PLXDC2: variants seen among roughly 807,000 people sequenced by gnomAD.
The protein encoded by PLXDC2 is plexin domain-containing protein 2.
Under a neutral mutation model 68.9 loss-of-function variants are expected in PLXDC2, and 40 were observed. The ratio of observed to expected loss-of-function variants is 0.58; its 90% CI spans 0.45 to 0.76. The LOEUF (loss-of-function observed/expected upper bound fraction) is 0.76, where lower values mean the gene tolerates loss of function less well. PLXDC2 is among the 30% of genes least tolerant of loss of function. The pLI is 0.00. For missense variants in PLXDC2, 644 were observed against 661.9 expected, an observed-to-expected ratio of 0.97 and a Z score of 0.30; for synonymous variants, 243 against 234.2, an observed-to-expected ratio of 1.04 and a Z score of -0.34.
Position 19,965,718 on chromosome 10 carries a change from T to TTGG in PLXDC2, c.113-36057_113-36056insTGG, listed in dbSNP as rs758553628. Among the ~76,000 whole-genome samples, 165 of 135,478 alleles carry TTGG rather than the reference T, an allele frequency of 1.2e-3. 1 individual carries two copies. The highest frequency in any genetic ancestry group is 3.3e-3 in the African/African-American group (122 of 37,220). 88.9% of individuals were successfully genotyped at this position (135,478 alleles called of 152,430 possible). On this transcript the variant is annotated intron_variant, in intron 1 of 13. Transcript: ENST00000377252. ...GATTTCTCTGGAAAACAGTTTTTTT[T>TTGG]GGGGGGGGGGGTTACATAATTCAAT...
At chr10:20,015,126 A>G (rs901396399) in intron 2 of PLXDC2, among the ~76,000 whole-genome samples, 5 of 152,220 alleles carry the variant, frequency 3.3e-5, no homozygotes, top group African/African-American at 4.8e-5. Flanking sequence ...ACTCCATTTT[A>G]TTCCAACAGA....
At chr10:20,112,086 G>A (rs1054513604) in intron 4 of PLXDC2, among the ~76,000 whole-genome samples, 1 of 152,104 alleles carries the variant, frequency 6.6e-6, no homozygotes, top group Non-Finnish European at 1.5e-5. Flanking sequence ...AAGAAGGTCT[G>A]TGTCCTCTGC....
At chr10:20,104,976 G>T (rs562811616) in intron 4 of PLXDC2, among the ~76,000 whole-genome samples, 22 of 147,928 alleles carry the variant, frequency 1.5e-4, no homozygotes, top group African/African-American at 5.5e-4. Flanking sequence ...ACTTGAACCA[G>T]GGGGTCAGAG....
chr10:19,900,080 A>C (rs1200752235), intron 1 of PLXDC2, among the ~76,000 whole-genome samples: 1 of 152,154 alleles, frequency 6.6e-6, no homozygotes, highest in Admixed American at 6.6e-5. Flanking sequence ...TGTCCCACTT[A>C]AAGGAACTTT....
chr10:19,820,935 G>T (rs542281599), intron 1 of PLXDC2, among the ~76,000 whole-genome samples: 1 of 152,006 alleles, frequency 6.6e-6, no homozygotes, highest in Non-Finnish European at 1.5e-5. Context: ...AAAATTAGCC[G>T]TGTGTGGTGG....
intron 4 of PLXDC2, among the ~76,000 whole-genome samples, chr10:20,073,043 A>G (rs72791877): frequency 0.059 from 9,035 of 152,326 alleles, 373 homozygotes; most frequent in South Asian, 0.21. Flanking sequence ...AGTTGACTAC[A>G]GGCCATTCTA....
chr10:19,856,112 A>T (rs1351649955), intron 1 of PLXDC2, among the ~76,000 whole-genome samples: 4 of 152,218 alleles, frequency 2.6e-5, no homozygotes, highest in South Asian at 2.1e-4. Context: ...AAAAAAACAA[A>T]AACAAAAATA....
At chr10:20,019,355 C>T (rs896653521) in intron 2 of PLXDC2, among the ~76,000 whole-genome samples, 2 of 152,056 alleles carry the variant, frequency 1.3e-5, no homozygotes, top group Non-Finnish European at 1.5e-5. Flanking sequence ...AGGGTCAGGA[C>T]CCACATCTTC....
In PLXDC2 at chr10:20,211,771, T is replaced by TCATATA. The variant is rs746408152; in HGVS notation, c.1122+46_1122+51dup. 190 of 1,577,116 alleles carry TCATATA rather than the reference T, an allele frequency of 1.2e-4. No individual in the cohort carries two copies. In the South Asian group the frequency reaches 2.1e-3, roughly 17 times the overall value. On this transcript the variant is annotated intron_variant, in intron 10 of 13. Coordinates refer to ENST00000377252, the MANE Select transcript of PLXDC2 (RefSeq NM_032812.9). The stretch of plus-strand genomic sequence containing the variant: ...GTGACAGAATCCTGGGACCAAGCTG[T>TCATATA]CATATACATGTGTTTTAACTGTTAA...
intron 1 of PLXDC2, among the ~76,000 whole-genome samples, chr10:19,928,397 G>T (rs1326609621): frequency 6.6e-6 from 1 of 152,170 alleles, no homozygotes; most frequent in East Asian, 1.9e-4. Flanking sequence ...CATTTTATGA[G>T]TTTTTAGCTT....
At chr10:20,102,928 A>G (rs1391838249) in intron 4 of PLXDC2, among the ~76,000 whole-genome samples, 2 of 152,210 alleles carry the variant, frequency 1.3e-5, no homozygotes, top group Non-Finnish European at 2.9e-5. Flanking sequence ...GAGTACATCC[A>G]TGTTTACAAA....
chr10:20,103,862 C>T (rs11591313), intron 4 of PLXDC2, among the ~76,000 whole-genome samples: 34,087 of 151,974 alleles, frequency 0.22, 4,682 homozygotes, highest in East Asian at 0.49. Flanking sequence ...AGGCTGGTCT[C>T]GAACTCCTGA....
At chr10:20,012,321 T>G (rs1564656384) in intron 2 of PLXDC2, among the ~76,000 whole-genome samples, 1 of 19,570 alleles carries the variant, frequency 5.1e-5, no homozygotes, top group African/African-American at 1.3e-4. Flanking sequence ...TTTTTTTTTT[T>G]TTTTTTTTTT....
At chr10:20,016,929 T>G (rs1835222350) in intron 2 of PLXDC2, among the ~76,000 whole-genome samples, 2 of 152,302 alleles carry the variant, frequency 1.3e-5, no homozygotes, top group South Asian at 4.1e-4. Flanking sequence ...AGGGAAAGCA[T>G]CTTCCTGGCT....
rs138442251 is a variant in PLXDC2, at chr10:20,275,426, T to G, written c.1474-4277T>G. ...GCCAGGCAAGTTTGAGAAACACAGA[T>G]TTAGTTCTGTAGTTTCCAAAACACA... is the stretch of plus-strand genomic sequence containing the variant. On this transcript the variant is annotated intron_variant, in intron 13 of 13. Transcript: ENST00000377252. Among the ~76,000 whole-genome samples the G allele has an allele frequency of 5.7e-3, 873 of 152,164 alleles. 8 individuals carry two copies. The highest frequency in any genetic ancestry group is 0.019 in the African/African-American group (785 of 41,508).
intron 1 of PLXDC2, among the ~76,000 whole-genome samples, chr10:19,911,915 A>C (rs1330874736): frequency 6.6e-6 from 1 of 152,180 alleles, no homozygotes; most frequent in Non-Finnish European, 1.5e-5. Context: ...TATGTAAGCA[A>C]ATTGTTTCTC....
At position 20,164,543 on chromosome 10, in the gene PLXDC2, G is replaced by A; in HGVS notation, c.859G>A (p.Val287Ile). ...KVGLSDAFVV[V>I]HRIQQIPNVR... The stretch of plus-strand genomic sequence containing the variant: ...CGGACTGTCCGATGCATTTGTCGTT[G>A]TCCACAGGATCCAACAAATTCCCAG... Residue 287 changes from valine (V) to isoleucine (I), a missense_variant, in exon 7 of 14, where the codon GTC (valine) becomes ATC (isoleucine). Physicochemically the swap from Val to Ile is conservative, Grantham distance 29. Transcript: ENST00000377252. 6.2e-7 allele frequency: 1 copy of A among 1,612,954 alleles called. No individual in the cohort carries two copies. The highest frequency in any genetic ancestry group is 1.3e-5 in the African/African-American group (1 of 74,902).
chr10:19,877,228 GAGAA>G (rs1249675434), intron 1 of PLXDC2, among the ~76,000 whole-genome samples: 2 of 151,708 alleles, frequency 1.3e-5, no homozygotes, highest in Non-Finnish European at 2.9e-5. Context: ...GAGATAGAAT[GAGAA>G]AGAGAGAGAG....
intron 13 of PLXDC2, among the ~76,000 whole-genome samples, chr10:20,262,461 G>C (rs1262377916): frequency 1.3e-5 from 2 of 152,186 alleles, no homozygotes; most frequent in Non-Finnish European, 2.9e-5. Flanking sequence ...GGCAAAGTGG[G>C]AGGTTAGACT....
Sources: gnomAD v4.1 joint callset for allele counts (sites outside exome capture counted in the v4.1 genomes callset) on GRCh38, gnomAD v4.1.1 for gene constraint, MANE v1.5 for transcripts, NCBI Gene and HGNC (gene_info 2026-07-23, HGNC 2026-07-21) for gene names.